Variants in NPC1L1 observed in about 807,000 individuals in gnomAD.
NPC1L1 encodes the protein NPC1 like intracellular cholesterol transporter 1, also known as NPC1-like intracellular cholesterol transporter 1.
Under a neutral mutation model 117.0 loss-of-function variants are expected in NPC1L1, and 98 were observed. The ratio of observed to expected loss-of-function variants is 0.84; its 90% CI spans 0.71 to 0.99. NPC1L1 has a LOEUF of 0.99. Among genes scored for constraint, NPC1L1 ranks in the 50% least tolerant of loss-of-function variants. The pLI, the probability that NPC1L1 is intolerant of heterozygous loss-of-function variation, is 0.00. For synonymous variants in NPC1L1, 729 were observed against 727.6 expected (o/e 1.00, Z -0.03); for missense variants, 1,540 against 1,710.0 (o/e 0.90, Z 1.75).
Position 44,515,862 on chromosome 7 carries a change from A to C in NPC1L1, c.3737T>G (p.Ile1246Ser). ...GCCATGCAGCAGGCCCAGCAGAGTG[A>C]TCAGGAGGTTGAGGCGGAAGAAGAA... is the stretch of plus-strand genomic sequence containing the variant. ...QIFFFRLNLL[I>S]TLLGLLHGLV... Residue 1246 changes from isoleucine to serine, a missense_variant, in exon 18 of 19, where the codon ATC becomes AGC. Ile to Ser is a moderately radical substitution (Grantham distance 142, BLOSUM62 -2). Coordinates refer to ENST00000381160, the MANE Select transcript of NPC1L1 (RefSeq NM_001101648.2). The C allele has an allele frequency of 8.7e-6, 14 of 1,614,188 alleles. No homozygotes were observed. The highest frequency in any genetic ancestry group is 1.2e-5 in the Non-Finnish European group (14 of 1,180,020).
chr7:44,522,362 G>T, intron 10 of NPC1L1, 120 bp from the exon 11 acceptor site: 3 of 952,966 alleles, frequency 3.1e-6, no homozygotes, highest in East Asian at 2.6e-5. Flanking sequence ...CATGTTCAGA[G>T]GTCCATGATC....
chr7:44,539,267 G>A lies in NPC1L1; in HGVS notation c.1130C>T (p.Thr377Met), dbSNP rs868457703. Reference sequence around the variant, plus strand: ...GGCCGACCACAGCTCCACGGGGTCCGTAGTGAGTTCTGTAAAGACCAGGCC... The same window carrying A: ...GGCCGACCACAGCTCCACGGGGTCCATAGTGAGTTCTGTAAAGACCAGGCC... The part of the protein sequence containing the change: ...AAGLVFTELT[T>M]DPVELWSAPN... Residue 377 changes from threonine (T) to methionine (M), a missense_variant, in exon 2 of 19, where the codon ACG (threonine) becomes ATG (methionine). By Grantham distance (81) the Thr-to-Met change is moderately conservative. Coordinates refer to ENST00000381160, the MANE Select transcript of NPC1L1 (RefSeq NM_001101648.2). This position sits in a 1 kb window ranked among gnomAD's most constrained non-coding sequence, Gnocchi z 4.4. 21 of 1,613,924 alleles carry A rather than the reference G, an allele frequency of 1.3e-5. No homozygotes were observed. The highest frequency in any genetic ancestry group is 6.7e-5 in the African/African-American group (5 of 74,912).
rs758572307 is a variant in NPC1L1, at chr7:44,539,801, G to C, written c.596C>G (p.Ala199Gly). The C allele has an allele frequency of 1.9e-6, 3 of 1,614,134 alleles. No individual in the cohort carries two copies. Among genetic ancestry groups the C allele is most frequent in the East Asian group, 4.5e-5 (2 of 44,888 alleles). Residue 199 changes from alanine to glycine, a missense_variant, in exon 2 of 19, where the codon GCC (alanine) becomes GGC (glycine). Coordinates refer to ENST00000381160, the MANE Select transcript of NPC1L1 (RefSeq NM_001101648.2). The surrounding 1 kb of genome is among the most constrained non-coding windows in gnomAD (Gnocchi z 4.4). ...CGVYGSALCN[A>G]QRWLNFQGDT... ...TCCCTGGAAGTTGAGCCAGCGCTGG[G>C]CATTGCAAAGGGCAGAGCCATACAC...
chr7:44,523,114 G>T (rs1234504285), intron 10 of NPC1L1, among the ~76,000 whole-genome samples: 2 of 152,188 alleles, frequency 1.3e-5, no homozygotes, highest in Admixed American at 6.5e-5. Flanking sequence ...GGAGTGCAGT[G>T]GCGCGATCTC....
chr7:44,520,354 C>T (rs940263596), intron 14 of NPC1L1, among the ~76,000 whole-genome samples: 7 of 152,074 alleles, frequency 4.6e-5, no homozygotes, highest in Non-Finnish European at 1.0e-4. Context: ...GATCCTCTCG[C>T]CTTGGCCTCC....
chr7:44,518,123 A>G (rs1310744962), intron 14 of NPC1L1, among the ~76,000 whole-genome samples: 1 of 152,006 alleles, frequency 6.6e-6, no homozygotes, highest in Non-Finnish European at 1.5e-5. Context: ...CAAAAAAAAA[A>G]AAGAAGAAAT....
chr7:44,531,609 C>A (rs1049823739), intron 10 of NPC1L1, 146 bp downstream of exon 10: 39 of 686,730 alleles, frequency 5.7e-5, no homozygotes, highest in Non-Finnish European at 9.4e-5. Context: ...CTCCCCAGGA[C>A]TGCTGGAGGT....
intron 10 of NPC1L1, among the ~76,000 whole-genome samples, chr7:44,529,721 G>C (rs1408838110): frequency 2.6e-5 from 4 of 151,976 alleles, no homozygotes; most frequent in African/African-American, 9.7e-5. Flanking sequence ...GAGGTGCCTA[G>C]AGTGGTCAAA....
chr7:44,525,892 A>C (rs1801500133), intron 10 of NPC1L1, among the ~76,000 whole-genome samples: 1 of 152,184 alleles, frequency 6.6e-6, no homozygotes, highest in African/African-American at 2.4e-5. Context: ...AATGCTGGGC[A>C]TGATGGCTCA....
intron 14 of NPC1L1, among the ~76,000 whole-genome samples, chr7:44,519,900 G>A (rs765817215): frequency 5.3e-5 from 8 of 151,304 alleles, no homozygotes; most frequent in Admixed American, 1.3e-4. Context: ...CAACCTCCCA[G>A]ACTCAGGCAT....
Position 44,536,712 on chromosome 7 carries a change from C to G in NPC1L1, c.1681+130G>C. 1 of 831,296 alleles carries G rather than the reference C, an allele frequency of 1.2e-6. No individual in the cohort carries two copies. The highest frequency in any genetic ancestry group is 2.0e-6 in the Non-Finnish European group (1 of 492,404). 51.5% of individuals were successfully genotyped at this position (831,296 alleles called of 1,614,324 possible). On this transcript the variant is annotated intron_variant, in intron 3 of 18. Transcript: ENST00000381160. This position sits in a 1 kb window ranked among gnomAD's most constrained non-coding sequence, Gnocchi z 4.7. ...AGAGAGGAAACAGGACAGGGTTGGC[C>G]TACAGCTTCCAGAAGCCAGGCTACC... is the stretch of plus-strand genomic sequence containing the variant.
chr7:44,536,134 T>G lies in NPC1L1; in HGVS notation c.1854+122A>C. ...AGAACAGCCATCACAATCACCCCGT[T>G]CTGAGCAGGCAGCCACTGCCCAGGG... On this transcript the variant is annotated intron_variant, in intron 4 of 18. Transcript: ENST00000381160. This position sits in a 1 kb window ranked among gnomAD's most constrained non-coding sequence, Gnocchi z 4.7. 2 of 1,545,622 alleles carry G rather than the reference T, an allele frequency of 1.3e-6. No homozygotes were observed. The highest frequency in any genetic ancestry group is 1.8e-6 in the Non-Finnish European group (2 of 1,121,164).
rs1306364950 is a variant in NPC1L1, at chr7:44,536,826, G to T, written c.1681+16C>A. The T allele has an allele frequency of 6.2e-7, 1 of 1,603,544 alleles. No individual in the cohort carries two copies. Among genetic ancestry groups the T allele is most frequent in the Non-Finnish European group, 8.5e-7 (1 of 1,170,444 alleles). On this transcript the variant is annotated intron_variant, in intron 3 of 18. Coordinates refer to ENST00000381160, the MANE Select transcript of NPC1L1 (RefSeq NM_001101648.2). The surrounding 1 kb of genome is among the most constrained non-coding windows in gnomAD (Gnocchi z 4.7). Reference sequence around the variant, plus strand: ...TGCATCTTCCTTGGCTTCCTCTCAGGGCCCACTTAGCTTACCTTTGTACCC... The same window carrying T: ...TGCATCTTCCTTGGCTTCCTCTCAGTGCCCACTTAGCTTACCTTTGTACCC...
At position 44,513,753 on chromosome 7, in the gene NPC1L1, G is replaced by T. The variant is rs1430818110; in HGVS notation, c.3797-104C>A. 3.9e-6 allele frequency: 5 copies of T among 1,286,898 alleles called. No homozygotes were observed. The East Asian group carries it at 1.2e-4, about 31-fold the overall frequency. The allele number at this position is 1,286,898 out of a possible 1,614,324, so 79.7% of individuals were successfully genotyped here. A position where few individuals can be genotyped will look rare whatever the true frequency, so the allele number is the denominator to read the frequency against. Reference sequence around the variant, plus strand: ...AAACCCAGGGCAGGAAGGGTCCCAGGGGGGATCTGTGCCATGTGCCTTCCA... The same window carrying T: ...AAACCCAGGGCAGGAAGGGTCCCAGTGGGGATCTGTGCCATGTGCCTTCCA... On this transcript the variant is annotated intron_variant, in intron 18 of 18. Transcript: ENST00000381160.
At chr7:44,518,797 G>T in intron 14 of NPC1L1, 1 of 979,288 alleles carries the variant, frequency 1.0e-6, no homozygotes, top group Non-Finnish European at 1.2e-6. Flanking sequence ...CAATCTCAGA[G>T]CAGGGGAGGT....
At chr7:44,533,690 C>G (rs769046028) in intron 7 of NPC1L1, 49 bp downstream of exon 7, 4 of 1,608,432 alleles carry the variant, frequency 2.5e-6, no homozygotes, top group Non-Finnish European at 3.4e-6. Context: ...GGCCCCGGCA[C>G]TAACCCAGCA....
intron 18 of NPC1L1, among the ~76,000 whole-genome samples, chr7:44,514,800 G>C (rs1404664145): frequency 6.6e-6 from 1 of 152,040 alleles, no homozygotes; most frequent in Admixed American, 6.5e-5. Context: ...TCAGGAGTTC[G>C]AGACCAGCCT....
intron 8 of NPC1L1, 48 bp from the exon 9 acceptor site, chr7:44,532,265 C>T (rs962155795): frequency 6.2e-7 from 1 of 1,611,070 alleles, no homozygotes; most frequent in African/African-American, 1.3e-5. Context: ...CAGACAAGGC[C>T]CCAGGGACCA....
intron 10 of NPC1L1, among the ~76,000 whole-genome samples, chr7:44,531,324 G>A (rs938874351): frequency 2.0e-5 from 3 of 152,074 alleles, no homozygotes; most frequent in African/African-American, 7.2e-5. Flanking sequence ...TCCCACTGGC[G>A]AGTCTGTCAT....
Sources: allele counts gnomAD v4.1 joint callset (sites outside exome capture counted in the v4.1 genomes callset), GRCh38; gene constraint gnomAD v4.1.1; non-coding constraint Gnocchi (gnomAD v3.1); transcripts MANE v1.5; gene names NCBI Gene and HGNC (gene_info 2026-07-23, HGNC 2026-07-21).